The following CNTNAP2 variants were observed in gnomAD, a reference collection of about 807,000 sequenced individuals.
CNTNAP2 encodes the protein contactin associated protein 2, also known as contactin-associated protein-like 2.
A neutral mutation model predicts 155.2 loss-of-function variants in CNTNAP2; 98 were observed. The ratio of observed to expected loss-of-function variants is 0.63; its 90% CI spans 0.54 to 0.75. The LOEUF is 0.75. Ranked by LOEUF, CNTNAP2 falls within the 30% of genes least tolerant of loss-of-function variation. The probability of loss-of-function intolerance (pLI) is 0.00; values close to 1 mark genes in which losing one functional copy is unlikely to be tolerated. For synonymous variants in CNTNAP2, 651 were observed against 631.2 expected (o/e 1.03, Z -0.47); for missense variants, 1,727 against 1,688.1 (o/e 1.02, Z -0.40).
intron 1 of CNTNAP2, among the ~76,000 whole-genome samples, chr7:146,433,788 A>G (rs1010236428): frequency 6.6e-5 from 10 of 152,152 alleles, no homozygotes; most frequent in African/African-American, 2.2e-4. Context: ...GCCTGGTGCA[A>G]ATGAGAACTC....
chr7:147,904,668 T>A (rs1413352089), intron 14 of CNTNAP2, among the ~76,000 whole-genome samples: 2 of 152,182 alleles, frequency 1.3e-5, no homozygotes, highest in Non-Finnish European at 2.9e-5. Context: ...AAACAAATTC[T>A]GAGAACGTAA....
intron 3 of CNTNAP2, among the ~76,000 whole-genome samples, chr7:146,958,034 A>G (rs934285258): frequency 1.3e-5 from 2 of 152,172 alleles, no homozygotes; most frequent in Admixed American, 1.3e-4. Context: ...CAATTTCACT[A>G]TATTAACATA....
At chr7:146,180,074 T>C (rs543900548) in intron 1 of CNTNAP2, among the ~76,000 whole-genome samples, 1 of 152,226 alleles carries the variant, frequency 6.6e-6, no homozygotes, top group South Asian at 2.1e-4. Flanking sequence ...CTGTATGTTT[T>C]TGGATGTCTT....
At chr7:146,331,079 C>G (rs1286212122) in intron 1 of CNTNAP2, among the ~76,000 whole-genome samples, 2 of 151,886 alleles carry the variant, frequency 1.3e-5, no homozygotes, top group Non-Finnish European at 2.9e-5. Context: ...CCGAGTCGGG[C>G]GGATCACGAG....
intron 2 of CNTNAP2, among the ~76,000 whole-genome samples, chr7:146,791,749 T>C (rs1802677321): frequency 6.6e-6 from 1 of 152,212 alleles, no homozygotes; most frequent in South Asian, 2.1e-4. Flanking sequence ...TAAGGAGTGA[T>C]AAACAGGCAG....
intron 1 of CNTNAP2, among the ~76,000 whole-genome samples, chr7:146,457,481 AATATATATATATATATATATATATAT>A (rs200909725): frequency 0.018 from 1,584 of 87,240 alleles, 91 homozygotes; most frequent in African/African-American, 0.065. Context: ...TTCAAAAATG[AATATATATATATATATATATATATAT>A]ATATATATAT....
intron 18 of CNTNAP2, among the ~76,000 whole-genome samples, chr7:148,185,443 A>T (rs1263618504): frequency 6.6e-6 from 1 of 152,240 alleles, no homozygotes; most frequent in Admixed American, 6.5e-5. Context: ...AGTTTCAAGA[A>T]ATAAAAAGCA....
At position 146,207,632 on chromosome 7, in the gene CNTNAP2, A is replaced by T. The variant is rs558630258; in HGVS notation, c.97+90659A>T. Among the ~76,000 whole-genome samples the T allele has an allele frequency of 8.0e-5, 10 of 124,936 alleles. No homozygotes were observed. The East Asian group carries it at 1.9e-3, about 24-fold the overall frequency. The allele number at this position is 124,936 out of a possible 152,430, so 82.0% of individuals were successfully genotyped here. A position where few individuals can be genotyped will look rare whatever the true frequency, so the allele number is the denominator to read the frequency against. On this transcript the variant is annotated intron_variant, in intron 1 of 23. Transcript: ENST00000361727. Reference sequence around the variant, plus strand: ...AAATACTTTCTTCAAACAGAACAGGACTGTGTTTTTTTTTTTTTTTTTTTT... The same window carrying T: ...AAATACTTTCTTCAAACAGAACAGGTCTGTGTTTTTTTTTTTTTTTTTTTT...
intron 15 of CNTNAP2, among the ~76,000 whole-genome samples, chr7:147,989,103 A>C (rs1040194611): frequency 6.6e-6 from 1 of 152,240 alleles, no homozygotes; most frequent in East Asian, 1.9e-4. Context: ...CTTTACAAAC[A>C]TTAATGTACT....
chr7:146,483,692 T>TAAAAAAG (rs1055627206), intron 1 of CNTNAP2, among the ~76,000 whole-genome samples: 15 of 151,514 alleles, frequency 9.9e-5, no homozygotes, highest in African/African-American at 3.4e-4. Flanking sequence ...AGTTAAAAGT[T>TAAAAAAG]AAAAAAGAAA....
At chr7:146,452,920 A>G (rs928523748) in intron 1 of CNTNAP2, among the ~76,000 whole-genome samples, 3 of 152,242 alleles carry the variant, frequency 2.0e-5, no homozygotes, top group African/African-American at 7.2e-5. Flanking sequence ...CTGTAAATGA[A>G]TAAAGTAGCA....
intron 13 of CNTNAP2, among the ~76,000 whole-genome samples, chr7:147,735,804 G>T (rs1796832992): frequency 6.6e-6 from 1 of 151,682 alleles, no homozygotes; most frequent in African/African-American, 2.4e-5. Context: ...TTTGATCTTT[G>T]TTGGTTTAAA....
chr7:148,323,873 G>C (rs916190775), intron 21 of CNTNAP2, among the ~76,000 whole-genome samples: 2 of 144,312 alleles, frequency 1.4e-5, no homozygotes, highest in African/African-American at 2.6e-5. Context: ...ACTTGTCTCT[G>C]AAGCCCCATT....
chr7:147,408,705 C>T (rs11770339), intron 10 of CNTNAP2, among the ~76,000 whole-genome samples: 26,565 of 152,056 alleles, frequency 0.17, 2,942 homozygotes, highest in Non-Finnish European at 0.25. Flanking sequence ...TTGCAGTGAG[C>T]GAAGATTGTG....
At chr7:146,849,518 A>G (rs1734835368) in intron 3 of CNTNAP2, among the ~76,000 whole-genome samples, 1 of 152,216 alleles carries the variant, frequency 6.6e-6, no homozygotes, top group Admixed American at 6.5e-5. Flanking sequence ...TGGGCTCTGG[A>G]CCGGACCTCA....
intron 9 of CNTNAP2, among the ~76,000 whole-genome samples, chr7:147,366,812 C>CA (rs1554475324): frequency 3.0e-4 from 27 of 88,894 alleles, no homozygotes; most frequent in South Asian, 9.3e-4. Flanking sequence ...CACACACACA[C>CA]CCCAATGTTT....
chr7:147,350,118 G>T (rs1795943868), intron 9 of CNTNAP2, among the ~76,000 whole-genome samples: 1 of 151,842 alleles, frequency 6.6e-6, no homozygotes, highest in Non-Finnish European at 1.5e-5. Flanking sequence ...TGTTAGAAAA[G>T]AATATGTGAG....
chr7:146,231,563 A>G (rs1799385845), intron 1 of CNTNAP2, among the ~76,000 whole-genome samples: 1 of 152,364 alleles, frequency 6.6e-6, no homozygotes, highest in South Asian at 2.1e-4. Context: ...AAGCGTAATC[A>G]GCAGAAACTC....
chr7:146,599,684 G>A (rs1385840655), intron 1 of CNTNAP2, among the ~76,000 whole-genome samples: 2 of 151,356 alleles, frequency 1.3e-5, no homozygotes, highest in African/African-American at 2.4e-5. Flanking sequence ...GCTTGTGTGA[G>A]CCCTCTCACA....
Sources: gnomAD v4.1 joint callset for allele counts (sites outside exome capture counted in the v4.1 genomes callset) on GRCh38, gnomAD v4.1.1 for gene constraint, MANE v1.5 for transcripts, NCBI Gene and HGNC (gene_info 2026-07-23, HGNC 2026-07-21) for gene names.